Variants in CA5A observed in about 807,000 individuals in gnomAD.
CA5A encodes the protein carbonic anhydrase 5A.
In CA5A, 28 loss-of-function variants were observed where a neutral mutation model predicts 37.1. The ratio of observed to expected loss-of-function variants is 0.75; its 90% CI spans 0.56 to 1.03. The LOEUF (loss-of-function observed/expected upper bound fraction) is 1.03, where lower values mean the gene tolerates loss of function less well. Among genes scored for constraint, CA5A ranks in the 50% least tolerant of loss-of-function variants. The probability of loss-of-function intolerance (pLI) is 0.00; values close to 1 mark genes in which losing one functional copy is unlikely to be tolerated. For synonymous variants in CA5A, 171 were observed against 158.4 expected (o/e 1.08, Z -0.60); for missense variants, 444 against 399.9 (o/e 1.11, Z -0.94).
At chr16:87,915,957 C>G (rs2056134822) in intron 2 of CA5A, among the ~76,000 whole-genome samples, 1 of 151,938 alleles carries the variant, frequency 6.6e-6, no homozygotes, top group African/African-American at 2.4e-5. Flanking sequence ...ACTCACAGTT[C>G]CACGTGGCTG....
intron 5 of CA5A, among the ~76,000 whole-genome samples, chr16:87,892,492 AGAGT>A (rs2055732272): frequency 6.8e-6 from 1 of 147,940 alleles, no homozygotes; most frequent in Non-Finnish European, 1.5e-5. Context: ...CCTGGGCAAC[AGAGT>A]GAGACTCTGT....
chr16:87,914,413 G>A (rs2056099593), intron 2 of CA5A, among the ~76,000 whole-genome samples: 2 of 152,218 alleles, frequency 1.3e-5, no homozygotes, highest in African/African-American at 4.8e-5. Context: ...ACACTCAGGG[G>A]GTGCTAGCCA....
chr16:87,926,127 G>A (rs2056305172), intron 2 of CA5A, among the ~76,000 whole-genome samples: 2 of 152,172 alleles, frequency 1.3e-5, no homozygotes, highest in South Asian at 2.1e-4. Flanking sequence ...GGCTGAGGCA[G>A]GAGAATCACT....
At chr16:87,922,609 C>T (rs2056246135) in intron 2 of CA5A, among the ~76,000 whole-genome samples, 2 of 152,342 alleles carry the variant, frequency 1.3e-5, no homozygotes, top group East Asian at 1.9e-4. Context: ...ACGGGCCTCC[C>T]GTGCCGACCT....
At chr16:87,919,281 C>G (rs1597576432) in intron 2 of CA5A, among the ~76,000 whole-genome samples, 1 of 152,230 alleles carries the variant, frequency 6.6e-6, no homozygotes, top group Non-Finnish European at 1.5e-5. Context: ...GGCGCCCCAT[C>G]CTTACTCTGG....
chr16:87,904,974 A>G, intron 2 of CA5A, 70 bp from the exon 3 acceptor site: 2 of 916,536 alleles, frequency 2.2e-6, no homozygotes, highest in Non-Finnish European at 3.7e-6. Context: ...TACCTGAGGC[A>G]TTGTCTACAT....
intron 1 of CA5A, among the ~76,000 whole-genome samples, chr16:87,933,866 T>C (rs563777278): frequency 6.6e-6 from 1 of 152,346 alleles, no homozygotes; most frequent in African/African-American, 2.4e-5. Flanking sequence ...CAATCTTCTC[T>C]GCTTGGCAGA....
rs571063881 is a variant in CA5A, at chr16:87,916,689, C to T, written c.340+10059G>A. 1.1e-4 allele frequency among the ~76,000 whole-genome samples: 16 copies of T among 152,328 alleles called. No individual in the cohort carries two copies. In the South Asian group the frequency reaches 3.3e-3, roughly 32 times the overall value. ...CTAATTTTCTTATCCCACCAGAAGGCAAGCTCCATGGGAGCAGGGGTTTCA... is the reference window on the plus strand; with the variant it reads ...CTAATTTTCTTATCCCACCAGAAGGTAAGCTCCATGGGAGCAGGGGTTTCA... On this transcript the variant is annotated intron_variant, in intron 2 of 6. Transcript: ENST00000649794.
chr16:87,927,041 C>G (rs1484277031), intron 1 of CA5A, 96 bp from the exon 2 acceptor site: 1 of 854,988 alleles, frequency 1.2e-6, no homozygotes, highest in Non-Finnish European at 1.8e-6. Flanking sequence ...AGACCCCTCA[C>G]GTCCTGGCTC....
Position 87,904,885 on chromosome 16 carries a change from C to G in CA5A, c.360G>C (p.Leu120Phe), listed in dbSNP as rs2055936906. ...ATTGCTTCAGTCTGTAGTGGTTTTC[C>G]AAGGGCCCACCACTAATTCCTGGAA... is the stretch of plus-strand genomic sequence containing the variant. Reference protein sequence around the residue: ...TEASGISGGPLENHYRLKQFH... With the variant: ...TEASGISGGPFENHYRLKQFH... The change falls in exon 3 of 7, where the codon TTG becomes TTC. Residue 120 changes from leucine to phenylalanine, a missense_variant. Leu to Phe is a conservative substitution (Grantham distance 22, BLOSUM62 0). Transcript: ENST00000649794. The G allele has an allele frequency of 1.9e-6, 3 of 1,611,290 alleles. No homozygotes were observed. Among genetic ancestry groups the G allele is most frequent in the Non-Finnish European group, 8.5e-7 (1 of 1,177,426 alleles).
intron 1 of CA5A, among the ~76,000 whole-genome samples, chr16:87,929,873 A>AAG: frequency 6.9e-6 from 1 of 145,968 alleles, no homozygotes; most frequent in African/African-American, 2.6e-5. Flanking sequence ...CTCCGTCTCA[A>AAG]AAAAAAAAAA....
At chr16:87,919,937 G>C (rs567133210) in intron 2 of CA5A, among the ~76,000 whole-genome samples, 2 of 152,100 alleles carry the variant, frequency 1.3e-5, no homozygotes, top group Non-Finnish European at 1.5e-5. Context: ...GGAAAGTGGC[G>C]AACACCACAC....
intron 2 of CA5A, among the ~76,000 whole-genome samples, chr16:87,910,563 G>A (rs1266726391): frequency 6.6e-6 from 1 of 152,090 alleles, no homozygotes; most frequent in East Asian, 1.9e-4. Context: ...TGCAGACCTG[G>A]ATAAAATAAT....
intron 2 of CA5A, among the ~76,000 whole-genome samples, chr16:87,919,868 A>G (rs1597577125): frequency 6.6e-6 from 1 of 152,212 alleles, no homozygotes; most frequent in East Asian, 1.9e-4. Flanking sequence ...TCCCAACTCC[A>G]CTATCGGTGA....
chr16:87,905,629 G>T (rs977845829), intron 2 of CA5A, among the ~76,000 whole-genome samples: 5 of 152,238 alleles, frequency 3.3e-5, no homozygotes, highest in African/African-American at 1.2e-4. Context: ...AAAGCGCTGG[G>T]ATGACAGGTG....
intron 4 of CA5A, chr16:87,882,964 C>G (rs1156829139): frequency 1.3e-5 from 2 of 152,312 alleles, no homozygotes; most frequent in African/African-American, 4.8e-5. Context: ...GGCAGTGGCA[C>G]AATCTCAGCT....
rs900264307 is a variant in CA5A, at chr16:87,911,463, G to A, written c.341-6559C>T. Among the ~76,000 whole-genome samples, 5 of 152,242 alleles carry A rather than the reference G, an allele frequency of 3.3e-5. No individual in the cohort carries two copies. In the South Asian group the frequency reaches 8.3e-4, roughly 25 times the overall value. ...AGATGAGCAGGCTTTTGGCAGGCAC[G>A]GGTTGTTTGAAGGCTTAAAATTAGT... On this transcript the variant is annotated intron_variant, in intron 2 of 6. Transcript: ENST00000649794. The surrounding 1 kb of genome is among the most constrained non-coding windows in gnomAD (Gnocchi z 4.6).
chr16:87,912,969 C>T (rs113143285), intron 2 of CA5A, among the ~76,000 whole-genome samples: 1 of 151,034 alleles, frequency 6.6e-6, no homozygotes, highest in Non-Finnish European at 1.5e-5. Flanking sequence ...GTGGGGCCTT[C>T]GCCAACAAAC....
At chr16:87,912,908 G>T (rs2056072951) in intron 2 of CA5A, among the ~76,000 whole-genome samples, 1 of 152,218 alleles carries the variant, frequency 6.6e-6, no homozygotes, top group African/African-American at 2.4e-5. Context: ...GGGGCAGCAG[G>T]AGATGGGATT....
Sources: allele counts gnomAD v4.1 joint callset (sites outside exome capture counted in the v4.1 genomes callset), GRCh38; gene constraint gnomAD v4.1.1; non-coding constraint Gnocchi (gnomAD v3.1); transcripts MANE v1.5; gene names NCBI Gene and HGNC (gene_info 2026-07-23, HGNC 2026-07-21).